The following CSMD1 variants were observed in gnomAD, a reference collection of about 807,000 sequenced individuals.
The protein encoded by CSMD1 is CUB and Sushi multiple domains 1.
CSMD1 carries 213 observed loss-of-function variants against 417.5 expected under a neutral mutation model. That is an observed-to-expected ratio of 0.51 (90% CI 0.46 to 0.57). The LOEUF is 0.57. CSMD1 is among the 20% of genes least tolerant of loss of function. CSMD1 has a pLI of 0.00. For missense variants in CSMD1, 6,923 were observed against 4,529.7 expected, an observed-to-expected ratio of 1.53 and a Z score of -15.17; for synonymous variants, 2,862 against 1,736.8, an observed-to-expected ratio of 1.65 and a Z score of -16.11.
At chr8:3,064,857 G>A (rs905216775) in intron 49 of CSMD1, among the ~76,000 whole-genome samples, 1 of 152,100 alleles carries the variant, frequency 6.6e-6, no homozygotes, top group African/African-American at 2.4e-5. Flanking sequence ...AGACAAGTTA[G>A]GGGCTTAGTT....
chr8:3,348,685 C>T (rs13277591), intron 21 of CSMD1, among the ~76,000 whole-genome samples: 37,361 of 152,154 alleles, frequency 0.25, 5,057 homozygotes, highest in Middle Eastern at 0.34. Context: ...CTGAATGCCT[C>T]AGCATTATGT....
intron 6 of CSMD1, among the ~76,000 whole-genome samples, chr8:3,731,010 T>A (rs530595354): frequency 6.6e-6 from 1 of 152,316 alleles, no homozygotes; most frequent in African/African-American, 2.4e-5. Flanking sequence ...AAAAGTGAAT[T>A]GAACCTACAG....
intron 1 of CSMD1, among the ~76,000 whole-genome samples, chr8:4,785,496 G>A (rs1329862468): frequency 1.3e-5 from 2 of 152,120 alleles, no homozygotes; most frequent in Non-Finnish European, 2.9e-5. Flanking sequence ...CAGAGACTTA[G>A]AAAGCTGATT....
At chr8:4,522,876 C>T (rs979378637) in intron 2 of CSMD1, among the ~76,000 whole-genome samples, 23 of 152,138 alleles carry the variant, frequency 1.5e-4, no homozygotes, top group Non-Finnish European at 1.5e-5. Flanking sequence ...ACGTGTTCTC[C>T]AGGAGCTTAC....
chr8:3,508,857 G>A lies in CSMD1; in HGVS notation c.1345-15131C>T, dbSNP rs1257018137. Among the ~76,000 whole-genome samples, 7 of 152,146 alleles carry A rather than the reference G, an allele frequency of 4.6e-5. No homozygotes were observed. The East Asian group carries it at 7.7e-4, about 17-fold the overall frequency. On this transcript the variant is annotated intron_variant, in intron 10 of 69. Transcript: ENST00000635120. ...CTGTCACTCTCCTACACTGGGAAACGGTGACAAAAGTGACCAGTTAGAGCC... is the reference window on the plus strand; with the variant it reads ...CTGTCACTCTCCTACACTGGGAAACAGTGACAAAAGTGACCAGTTAGAGCC...
intron 3 of CSMD1, among the ~76,000 whole-genome samples, chr8:4,328,862 C>T (rs2407888): frequency 0.021 from 3,195 of 152,262 alleles, 101 homozygotes; most frequent in African/African-American, 0.071. Flanking sequence ...ATAATTATAA[C>T]TGAAACTCAT....
intron 12 of CSMD1, among the ~76,000 whole-genome samples, chr8:3,450,023 T>A (rs766753324): frequency 3.3e-5 from 5 of 152,204 alleles, no homozygotes; most frequent in Non-Finnish European, 7.3e-5. Context: ...TCCTCATCGA[T>A]GTGGTCCTCA....
intron 2 of CSMD1, among the ~76,000 whole-genome samples, chr8:4,533,758 T>C (rs967273954): frequency 1.3e-5 from 2 of 151,858 alleles, no homozygotes; most frequent in African/African-American, 2.4e-5. Flanking sequence ...AGTATTACAG[T>C]GGGAGTATTT....
intron 5 of CSMD1, among the ~76,000 whole-genome samples, chr8:3,846,231 A>T (rs1803493876): frequency 6.6e-6 from 1 of 152,178 alleles, no homozygotes; most frequent in East Asian, 1.9e-4. Flanking sequence ...CAGCATCATC[A>T]CAGATACGTC....
At chr8:4,426,162 G>A (rs753309483) in intron 2 of CSMD1, among the ~76,000 whole-genome samples, 5 of 151,654 alleles carry the variant, frequency 3.3e-5, no homozygotes, top group Non-Finnish European at 7.4e-5. Context: ...CATATACAGA[G>A]GCTAGGTAAT....
intron 23 of CSMD1, among the ~76,000 whole-genome samples, chr8:3,312,466 T>A (rs1253459853): frequency 6.6e-6 from 1 of 152,170 alleles, no homozygotes; most frequent in Non-Finnish European, 1.5e-5. Context: ...CTCTTTCCTG[T>A]CAGAAAGTTG....
chr8:4,007,350 T>G (rs1438641607), intron 4 of CSMD1, among the ~76,000 whole-genome samples: 1 of 152,202 alleles, frequency 6.6e-6, no homozygotes, highest in Admixed American at 6.6e-5. Context: ...CATTTCCTCT[T>G]TTCCTCACTG....
rs150994260 is a variant in CSMD1 at position 4,053,095 on chromosome 8, G to C, written c.416-20996C>G. 2.1e-3 allele frequency among the ~76,000 whole-genome samples: 318 copies of C among 152,216 alleles called. 2 individuals are homozygous for C. Among genetic ancestry groups the C allele is most frequent in the African/African-American group, 7.3e-3 (302 of 41,528 alleles). ...CTGAAAGGATGATTGGAATAAGAAG[G>C]GGCTGATACGAGGACCCCTTGCCCA... On this transcript the variant is annotated intron_variant, in intron 3 of 69. Transcript: ENST00000635120.
chr8:4,263,500 G>A (rs1804029599), intron 3 of CSMD1, among the ~76,000 whole-genome samples: 1 of 152,152 alleles, frequency 6.6e-6, no homozygotes, highest in Admixed American at 6.5e-5. Flanking sequence ...AGCTCTGTCT[G>A]TGGCAGTTAA....
intron 10 of CSMD1, among the ~76,000 whole-genome samples, chr8:3,504,839 C>G (rs182607309): frequency 6.6e-6 from 1 of 152,090 alleles, no homozygotes; most frequent in Non-Finnish European, 1.5e-5. Context: ...AAGAGAGTAG[C>G]AAGTTGAGAG....
intron 5 of CSMD1, among the ~76,000 whole-genome samples, chr8:3,787,834 T>C (rs941811881): frequency 6.6e-6 from 1 of 152,212 alleles, no homozygotes; most frequent in South Asian, 2.1e-4. Context: ...CAGTGTCCTA[T>C]CTTGCAAAGC....
chr8:3,251,541 A>G (rs1648731366), intron 26 of CSMD1, among the ~76,000 whole-genome samples: 1 of 152,168 alleles, frequency 6.6e-6, no homozygotes, highest in South Asian at 2.1e-4. Context: ...TGACTTGGCG[A>G]TGCGGGCTCT....
intron 2 of CSMD1, among the ~76,000 whole-genome samples, chr8:4,543,208 T>A (rs1797478263): frequency 6.6e-6 from 1 of 152,174 alleles, no homozygotes; most frequent in African/African-American, 2.4e-5. Context: ...GTGTAAGTTT[T>A]GCCAAATGTA....
intron 3 of CSMD1, among the ~76,000 whole-genome samples, chr8:4,320,518 C>G (rs1165643741): frequency 6.6e-6 from 1 of 152,092 alleles, no homozygotes; most frequent in African/African-American, 2.4e-5. Flanking sequence ...AGACCCCCAC[C>G]CCCCAACAGG....
Sources: gnomAD v4.1 joint callset for allele counts (sites outside exome capture counted in the v4.1 genomes callset) on GRCh38, gnomAD v4.1.1 for gene constraint, MANE v1.5 for transcripts, NCBI Gene and HGNC (gene_info 2026-07-23, HGNC 2026-07-21) for gene names.